The following FMNL1 variants were observed in gnomAD, a reference collection of about 807,000 sequenced individuals.
The protein encoded by FMNL1 is formin like 1, also known as formin-like protein 1.
In FMNL1, 43 loss-of-function variants were observed where a neutral mutation model predicts 121.3. The observed-to-expected ratio is 0.35, with a 90% CI of 0.28 to 0.46. FMNL1 has a LOEUF of 0.46. Among genes scored for constraint, FMNL1 ranks in the 20% least tolerant of loss-of-function variants. The pLI, the probability that FMNL1 is intolerant of heterozygous loss-of-function variation, is 1.00. For missense variants in FMNL1, 1,191 were observed against 1,482.4 expected (o/e 0.80, Z 3.23); for synonymous variants, 613 against 613.5 (o/e 1.00, Z 0.01).
intron 16 of FMNL1, 73 bp downstream of exon 16, chr17:45,242,538 T>TG (rs1185495432): frequency 6.5e-7 from 1 of 1,546,970 alleles, no homozygotes; most frequent in East Asian, 2.3e-5. Flanking sequence ...GGCTGGGCCC[T>TG]GGGGGTAGTC....
At chr17:45,239,398 C>T (rs1244349928) in intron 11 of FMNL1, among the ~76,000 whole-genome samples, 1 of 152,232 alleles carries the variant, frequency 6.6e-6, no homozygotes. Flanking sequence ...CAGCCTCAGA[C>T]AGGTGCTCTG....
At chr17:45,226,486 C>T (rs1473301113) in intron 1 of FMNL1, among the ~76,000 whole-genome samples, 1 of 152,194 alleles carries the variant, frequency 6.6e-6, no homozygotes, top group Admixed American at 6.5e-5. Flanking sequence ...TCCCATTCCC[C>T]GGCTGCTCCT....
intron 11 of FMNL1, 181 bp downstream of exon 11, chr17:45,239,246 G>C (rs8182370): frequency 0.25 from 151,400 of 603,972 alleles, 23,147 homozygotes; most frequent in African/African-American, 0.58. Flanking sequence ...TGCCATCTGT[G>C]AAATAGGAGA....
In FMNL1 at chr17:45,246,620, G is replaced by A. The variant is rs2043844020; in HGVS notation, c.*8+16G>A. 6.4e-7 allele frequency: 1 copy of A among 1,574,234 alleles called. No individual in the cohort carries two copies. The highest frequency in any genetic ancestry group is 1.8e-5 in the Admixed American group (1 of 56,136). ...AGCCCCTCAGGTACCCAGATGACCT[G>A]GCCTCTGATACCACGCTGCCCACAG... On this transcript the variant is annotated intron_variant, in intron 26 of 26. Transcript: ENST00000331495.
At position 45,233,914 on chromosome 17, in the gene FMNL1, C is replaced by T; in HGVS notation, c.486-158C>T. ...TGCCCCCGACAGGGAGGGGTGGCCT[C>T]TCTTCCACCACTATGTTCAGCACAG... On this transcript the variant is annotated intron_variant, in intron 5 of 26. Coordinates refer to ENST00000331495, the MANE Select transcript of FMNL1 (RefSeq NM_005892.4). This position sits in a 1 kb window ranked among gnomAD's most constrained non-coding sequence, Gnocchi z 4.1. 1 of 1,326,624 alleles carries T rather than the reference C, an allele frequency of 7.5e-7. No individual in the cohort carries two copies. The highest frequency in any genetic ancestry group is 2.5e-5 in the East Asian group (1 of 39,690). 82.2% of individuals were successfully genotyped at this position (1,326,624 alleles called of 1,614,324 possible).
At position 45,241,258 on chromosome 17, in the gene FMNL1, G is replaced by A; in HGVS notation, c.1332+28G>A. ...GAGGCTGGGGCGGGTGGTAGGCCAGGCGCCCAAGAACAGGCCAGCTGAGGC... is the reference window on the plus strand; with the variant it reads ...GAGGCTGGGGCGGGTGGTAGGCCAGACGCCCAAGAACAGGCCAGCTGAGGC... On this transcript the variant is annotated intron_variant, in intron 13 of 26. Coordinates refer to ENST00000331495, the MANE Select transcript of FMNL1 (RefSeq NM_005892.4). This position sits in a 1 kb window ranked among gnomAD's most constrained non-coding sequence, Gnocchi z 7.0. The A allele has an allele frequency of 1.2e-6, 2 of 1,613,734 alleles. No homozygotes were observed. Among genetic ancestry groups the A allele is most frequent in the Non-Finnish European group, 1.7e-6 (2 of 1,179,874 alleles).
Position 45,233,233 on chromosome 17 carries a change from C to G in FMNL1, c.337C>G (p.Arg113Gly). 6.4e-7 allele frequency: 1 copy of G among 1,557,578 alleles called. No homozygotes were observed. The highest frequency in any genetic ancestry group is 8.7e-7 in the Non-Finnish European group (1 of 1,150,566). Reference protein sequence around the residue: ...DWMSNLGFKRRVQESTQVLRE... With the variant: ...DWMSNLGFKRGVQESTQVLRE... ...TGTTCTCGGTCCCCAGTTTAAGAGG[C>G]GAGTTCAGGAGTCCACGCAGGTGCT... is the stretch of plus-strand genomic sequence containing the variant. Residue 113 changes from arginine (R) to glycine (G), a missense_variant, in exon 4 of 27, where the codon CGA becomes GGA. Arg to Gly is a moderately radical substitution (Grantham distance 125). Coordinates refer to ENST00000331495, the MANE Select transcript of FMNL1 (RefSeq NM_005892.4). This position sits in a 1 kb window ranked among gnomAD's most constrained non-coding sequence, Gnocchi z 4.1.
intron 11 of FMNL1, 121 bp downstream of exon 11, chr17:45,239,186 C>A: frequency 1.3e-6 from 1 of 775,030 alleles, no homozygotes; most frequent in Non-Finnish European, 2.2e-6. Flanking sequence ...TCTGCCGTTG[C>A]CTGCCGTGTG....
At position 45,239,081 on chromosome 17, in the gene FMNL1, C is replaced by G; in HGVS notation, c.1080+16C>G. ...GTACTTGGAGGTAAGCCCTGTACTG[C>G]CCCCCAGACTGAACTGCCTGCCCAC... On this transcript the variant is annotated intron_variant, in intron 11 of 26. Coordinates refer to ENST00000331495, the MANE Select transcript of FMNL1 (RefSeq NM_005892.4). The G allele has an allele frequency of 6.3e-7, 1 of 1,592,362 alleles. No individual in the cohort carries two copies. The highest frequency in any genetic ancestry group is 8.6e-7 in the Non-Finnish European group (1 of 1,160,326).
In FMNL1 at chr17:45,237,478, G is replaced by A; in HGVS notation, c.801-68G>A. The A allele has an allele frequency of 6.2e-7, 1 of 1,610,046 alleles. No individual in the cohort carries two copies. Reference sequence around the variant, plus strand: ...GCACCCACTATGCTCCTCCTAGCCAGGCCTGTGCCCACCCTTGCCGCGGGT... The same window carrying A: ...GCACCCACTATGCTCCTCCTAGCCAAGCCTGTGCCCACCCTTGCCGCGGGT... On this transcript the variant is annotated intron_variant, in intron 8 of 26. Transcript: ENST00000331495. The surrounding 1 kb of genome is among the most constrained non-coding windows in gnomAD (Gnocchi z 4.4).
At chr17:45,225,739 A>G (rs2043317404) in intron 1 of FMNL1, among the ~76,000 whole-genome samples, 4 of 151,862 alleles carry the variant, frequency 2.6e-5, no homozygotes. Context: ...ACGTTTCCTG[A>G]GCTTTGGGGT....
intron 1 of FMNL1, among the ~76,000 whole-genome samples, chr17:45,225,520 G>C (rs1267147387): frequency 6.6e-6 from 1 of 152,200 alleles, no homozygotes; most frequent in Non-Finnish European, 1.5e-5. Context: ...CCAGCAGGCA[G>C]GGCTGGCACA....
intron 22 of FMNL1, 87 bp downstream of exon 22, chr17:45,245,503 C>CCACAG: frequency 6.2e-7 from 1 of 1,605,434 alleles, no homozygotes; most frequent in Non-Finnish European, 8.5e-7. Context: ...TAGCTGGGAC[C>CCACAG]CCTTGGGGGG....
rs1406738543 is a variant in FMNL1 at position 45,243,775 on chromosome 17, C to A, written c.2214-16C>A. The A allele has an allele frequency of 6.2e-7, 1 of 1,601,850 alleles. No homozygotes were observed. Among genetic ancestry groups the A allele is most frequent in the Admixed American group, 1.7e-5 (1 of 59,780 alleles). On this transcript the variant is annotated splice_polypyrimidine_tract_variant and intron_variant, in intron 17 of 26. Coordinates refer to ENST00000331495, the MANE Select transcript of FMNL1 (RefSeq NM_005892.4). Reference sequence around the variant, plus strand: ...GTATGGATGATGCCCAATCTCCCCTCTCCTCCCTCTCACAGGTACGACCTG... The same window carrying A: ...GTATGGATGATGCCCAATCTCCCCTATCCTCCCTCTCACAGGTACGACCTG...
In FMNL1 at chr17:45,222,109, C is replaced by T. The variant is rs542172604; in HGVS notation, c.-16C>T. ...TCCGAGGCTGGAGGCGCCTGGCCGG[C>T]TGGGTGGGGACCACCATGGGCAACG... On this transcript the variant is annotated 5_prime_UTR_variant, in exon 1 of 27. Coordinates refer to ENST00000331495, the MANE Select transcript of FMNL1 (RefSeq NM_005892.4). 9.4e-4 allele frequency: 1,078 copies of T among 1,151,714 alleles called. 8 individuals carry two copies. The African/African-American group carries it at 0.017, about 18-fold the overall frequency. The allele number at this position is 1,151,714 out of a possible 1,614,324, so 71.3% of individuals were successfully genotyped here.
rs985751158 is a variant in FMNL1 at position 45,231,086 on chromosome 17, G to A, written c.213+399G>A. On this transcript the variant is annotated intron_variant, in intron 2 of 26. Transcript: ENST00000331495. This position sits in a 1 kb window ranked among gnomAD's most constrained non-coding sequence, Gnocchi z 4.7. ...CCATGGGAGGGAGGGAGGAAGGGGC[G>A]GGAATTCCTGCCCTTTTGCCTTGGG... 6.6e-6 allele frequency among the ~76,000 whole-genome samples: 1 copy of A among 152,150 alleles called. No homozygotes were observed. The highest frequency in any genetic ancestry group is 1.5e-5 in the Non-Finnish European group (1 of 68,016).
intron 24 of FMNL1, 90 bp from the exon 25 acceptor site, chr17:45,246,120 A>C: frequency 6.5e-7 from 1 of 1,545,608 alleles, no homozygotes. Context: ...TGCTCAAGCC[A>C]GCTGTCCTTG....
chr17:45,244,506 C>T (rs1012627930), intron 19 of FMNL1, among the ~76,000 whole-genome samples: 14 of 152,254 alleles, frequency 9.2e-5, no homozygotes, highest in East Asian at 3.9e-4. Flanking sequence ...GTGGAGGGCC[C>T]GGGAACCAGT....
Position 45,241,088 on chromosome 17 carries a change from C to T in FMNL1, c.1231-41C>T. 1 of 1,609,910 alleles carries T rather than the reference C, an allele frequency of 6.2e-7. No homozygotes were observed. The highest frequency in any genetic ancestry group is 8.5e-7 in the Non-Finnish European group (1 of 1,177,786). Reference sequence around the variant, plus strand: ...CGCCCCCTCACCGGCGGTGCCAGTGCCGGGCTGCGGGTCGGGGCTCACCAT... The same window carrying T: ...CGCCCCCTCACCGGCGGTGCCAGTGTCGGGCTGCGGGTCGGGGCTCACCAT... On this transcript the variant is annotated intron_variant, in intron 12 of 26. Coordinates refer to ENST00000331495, the MANE Select transcript of FMNL1 (RefSeq NM_005892.4). The surrounding 1 kb of genome is among the most constrained non-coding windows in gnomAD (Gnocchi z 7.0).
Sources: allele counts gnomAD v4.1 joint callset (sites outside exome capture counted in the v4.1 genomes callset), GRCh38; gene constraint gnomAD v4.1.1; non-coding constraint Gnocchi (gnomAD v3.1); transcripts MANE v1.5; gene names NCBI Gene and HGNC (gene_info 2026-07-23, HGNC 2026-07-21).